Variants in EPAS1 observed in about 807,000 individuals in gnomAD.
The protein encoded by EPAS1 is endothelial PAS domain protein 1, also known as endothelial PAS domain-containing protein 1.
A neutral mutation model predicts 87.9 loss-of-function variants in EPAS1; 23 were observed. The observed-to-expected ratio is 0.26, with a 90% CI of 0.19 to 0.37. The LOEUF (loss-of-function observed/expected upper bound fraction) is 0.37, where lower values mean the gene tolerates loss of function less well. EPAS1 is among the 10% of genes least tolerant of loss of function. The pLI is 1.00. For synonymous variants in EPAS1, 508 were observed against 444.3 expected (o/e 1.14, Z -1.80); for missense variants, 1,138 against 1,120.7 (o/e 1.02, Z -0.22).
intron 2 of EPAS1, among the ~76,000 whole-genome samples, chr2:46,348,505 T>C (rs1286824369): frequency 1.3e-5 from 2 of 152,176 alleles, no homozygotes; most frequent in Non-Finnish European, 2.9e-5. Flanking sequence ...CAGTGGAGGA[T>C]TTAATGACTG....
chr2:46,383,117 G>C (rs983380028), intron 15 of EPAS1, among the ~76,000 whole-genome samples: 2 of 152,254 alleles, frequency 1.3e-5, no homozygotes, highest in African/African-American at 4.8e-5. Context: ...CTTCCCTGGG[G>C]CTTTAGGGAG....
At chr2:46,370,884 GC>G (rs1014492765) in intron 7 of EPAS1, among the ~76,000 whole-genome samples, 9 of 152,082 alleles carry the variant, frequency 5.9e-5, no homozygotes, top group African/African-American at 2.2e-4. Context: ...CCTGTACTTG[GC>G]CCACTGGGGG....
In EPAS1 at chr2:46,322,894, A is replaced by C. The variant is rs78889503; in HGVS notation, c.27-23979A>C. Among the ~76,000 whole-genome samples, 301 of 152,332 alleles carry C rather than the reference A, an allele frequency of 2.0e-3. 2 individuals carry two copies. Among genetic ancestry groups the C allele is most frequent in the African/African-American group, 6.9e-3 (288 of 41,572 alleles). On this transcript the variant is annotated intron_variant, in intron 1 of 15. Transcript: ENST00000263734. The stretch of plus-strand genomic sequence containing the variant: ...GAGATGTCCTCGGAATCTTTCACAC[A>C]CTGCTCCTGACAGCCAAACCTACCC...
chr2:46,360,890 G>C lies in EPAS1; in HGVS notation c.579G>C (p.Leu193Phe). Reference sequence around the variant, plus strand: ...CCCTTCCACGCCTGTCTCAGGTCTTGCACTGCACGGGCCAGGTGAAAGTCT... The same window carrying C: ...CCCTTCCACGCCTGTCTCAGGTCTTCCACTGCACGGGCCAGGTGAAAGTCT... Reference protein sequence around the residue: ...VNLKSATWKVLHCTGQVKVYN... With the variant: ...VNLKSATWKVFHCTGQVKVYN... Residue 193 changes from leucine (L) to phenylalanine (F), a missense_variant, in exon 6 of 16, where the codon TTG becomes TTC. Transcript: ENST00000263734. The surrounding 1 kb of genome is among the most constrained non-coding windows in gnomAD (Gnocchi z 4.5). 6.2e-7 allele frequency: 1 copy of C among 1,614,158 alleles called. No homozygotes were observed. The highest frequency in any genetic ancestry group is 8.5e-7 in the Non-Finnish European group (1 of 1,180,028).
chr2:46,347,346 CG>C lies in EPAS1; in HGVS notation c.217+285del, dbSNP rs1684052570. 3.9e-6 allele frequency: 2 copies of C among 508,138 alleles called. No homozygotes were observed. Among genetic ancestry groups the C allele is most frequent in the Non-Finnish European group, 7.2e-6 (2 of 278,982 alleles). The allele number at this position is 508,138 out of a possible 1,614,324, so 31.5% of individuals were successfully genotyped here. ...GAACACGGGCTGGGAGAACCAAGGACGGCTTTTGCTGACTTCTCAATTTGTT... is the reference window on the plus strand; with the variant it reads ...GAACACGGGCTGGGAGAACCAAGGACGCTTTTGCTGACTTCTCAATTTGTT... On this transcript the variant is annotated intron_variant, in intron 2 of 15. Coordinates refer to ENST00000263734, the MANE Select transcript of EPAS1 (RefSeq NM_001430.5). The surrounding 1 kb of genome is among the most constrained non-coding windows in gnomAD (Gnocchi z 4.2).
At chr2:46,382,269 C>T (rs1343744148) in intron 14 of EPAS1, among the ~76,000 whole-genome samples, 156 bp from the exon 15 acceptor site, 3 of 152,256 alleles carry the variant, frequency 2.0e-5, no homozygotes, top group Non-Finnish European at 4.4e-5. Flanking sequence ...TCCATCTCCA[C>T]TCTGACTTAG....
In EPAS1 at chr2:46,297,783, G is replaced by C. The variant is rs1008961648; in HGVS notation, c.-129G>C. On this transcript the variant is annotated 5_prime_UTR_variant, in exon 1 of 16. Transcript: ENST00000263734. ...TTCCACCTGACTGCGCGGGGCGCTCGGGACCTGCGCGCACCTCGGACCTTC... is the reference window on the plus strand; with the variant it reads ...TTCCACCTGACTGCGCGGGGCGCTCCGGACCTGCGCGCACCTCGGACCTTC... 54 of 1,315,042 alleles carry C rather than the reference G, an allele frequency of 4.1e-5. No homozygotes were observed. The African/African-American group carries it at 6.1e-4, about 15-fold the overall frequency. 81.5% of individuals were successfully genotyped at this position (1,315,042 alleles called of 1,614,324 possible). A position where few individuals can be genotyped will look rare whatever the true frequency, so the allele number is the denominator to read the frequency against.
chr2:46,329,866 A>C (rs1434656665), intron 1 of EPAS1, among the ~76,000 whole-genome samples: 1 of 152,186 alleles, frequency 6.6e-6, no homozygotes, highest in Non-Finnish European at 1.5e-5. Flanking sequence ...CTTCTTAAAG[A>C]CAAAAACACC....
In EPAS1 at chr2:46,300,500, C is replaced by T. The variant is rs773417672; in HGVS notation, c.26+2563C>T. ...AGTTTGCTTTCTAAATGTTAGTTGG[C>T]TGGGTGTCCTTGATAGTACCAGTTT... On this transcript the variant is annotated intron_variant, in intron 1 of 15. Transcript: ENST00000263734. This position sits in a 1 kb window ranked among gnomAD's most constrained non-coding sequence, Gnocchi z 4.1. Among the ~76,000 whole-genome samples the T allele has an allele frequency of 6.6e-6, 1 of 152,150 alleles. No homozygotes were observed. The highest frequency in any genetic ancestry group is 2.4e-5 in the African/African-American group (1 of 41,408).
intron 1 of EPAS1, among the ~76,000 whole-genome samples, chr2:46,315,378 A>G (rs1455938747): frequency 1.3e-5 from 2 of 152,170 alleles, no homozygotes; most frequent in Admixed American, 6.5e-5. Flanking sequence ...GTCACAGTGC[A>G]TAAGTGTTGG....
At chr2:46,349,201 G>A (rs903733863) in intron 2 of EPAS1, among the ~76,000 whole-genome samples, 1 of 152,196 alleles carries the variant, frequency 6.6e-6, no homozygotes. Context: ...CAGCGTGATG[G>A]GGAGGAGGTC....
At chr2:46,336,057 C>T (rs994707621) in intron 1 of EPAS1, among the ~76,000 whole-genome samples, 12 of 152,068 alleles carry the variant, frequency 7.9e-5, no homozygotes, top group African/African-American at 2.4e-4. Flanking sequence ...CTGCAGAGAG[C>T]GAAATAAAAT....
At chr2:46,313,162 G>A (rs375126628) in intron 1 of EPAS1, among the ~76,000 whole-genome samples, 1 of 152,306 alleles carries the variant, frequency 6.6e-6, no homozygotes, top group South Asian at 2.1e-4. Context: ...TGGGAAAAAG[G>A]CTTTGAGTGC....
intron 1 of EPAS1, among the ~76,000 whole-genome samples, chr2:46,336,307 T>TA (rs1371390740): frequency 1.3e-5 from 2 of 152,072 alleles, no homozygotes; most frequent in Non-Finnish European, 2.9e-5. Context: ...CCCTGGTACT[T>TA]ACAGCACAGT....
At chr2:46,329,774 A>T (rs1289243403) in intron 1 of EPAS1, among the ~76,000 whole-genome samples, 1 of 151,862 alleles carries the variant, frequency 6.6e-6, no homozygotes, top group African/African-American at 2.4e-5. Flanking sequence ...GTGAGCCGAG[A>T]TCACACCACT....
At chr2:46,338,402 G>A (rs1683841464) in intron 1 of EPAS1, among the ~76,000 whole-genome samples, 1 of 152,220 alleles carries the variant, frequency 6.6e-6, no homozygotes, top group Non-Finnish European at 1.5e-5. Context: ...AAGGCTGCAT[G>A]GTGTCAGGGG....
chr2:46,374,763 A>G (rs988463898), intron 7 of EPAS1, among the ~76,000 whole-genome samples: 1 of 152,214 alleles, frequency 6.6e-6, no homozygotes, highest in African/African-American at 2.4e-5. Context: ...AAAGAGATTT[A>G]TTGATTCCTT....
chr2:46,358,928 G>T (rs1455737402), intron 4 of EPAS1, among the ~76,000 whole-genome samples: 2 of 152,174 alleles, frequency 1.3e-5, no homozygotes, highest in African/African-American at 4.8e-5. Flanking sequence ...GAAGGTTTCT[G>T]TGCAGGGGTG....
chr2:46,377,227 G>A (rs2103665722), intron 9 of EPAS1, among the ~76,000 whole-genome samples: 1 of 152,346 alleles, frequency 6.6e-6, no homozygotes, highest in South Asian at 2.1e-4. Context: ...TGAGGCCTGG[G>A]ATTAAGCCCT....
Sources: allele counts gnomAD v4.1 joint callset (sites outside exome capture counted in the v4.1 genomes callset), GRCh38; gene constraint gnomAD v4.1.1; non-coding constraint Gnocchi (gnomAD v3.1); transcripts MANE v1.5; gene names NCBI Gene and HGNC (gene_info 2026-07-23, HGNC 2026-07-21).